Variants in CALR3 observed in about 807,000 individuals in gnomAD.
CALR3 encodes calreticulin-3.
In CALR3, 39 loss-of-function variants were observed where a neutral mutation model predicts 48.7. The ratio of observed to expected loss-of-function variants is 0.80; its 90% confidence interval spans 0.62 to 1.05. CALR3 has a LOEUF of 1.05. CALR3 is among the 50% of genes least tolerant of loss of function. The pLI, the probability that CALR3 is intolerant of heterozygous loss-of-function variation, is 0.00. For missense variants in CALR3, 449 were observed against 474.7 expected (o/e 0.95, Z 0.50); for synonymous variants, 185 against 172.7 (o/e 1.07, Z -0.56).
At chr19:16,490,177 TG>T (rs1230002192) in intron 3 of CALR3, among the ~76,000 whole-genome samples, 189 bp downstream of exon 3, 1 of 152,204 alleles carries the variant, frequency 6.6e-6, no homozygotes, top group Non-Finnish European at 1.5e-5. Flanking sequence ...CTGGTACAGT[TG>T]CCTTTTTATA....
At chr19:16,491,594 T>C (rs561800545) in intron 2 of CALR3, among the ~76,000 whole-genome samples, 1,933 of 150,310 alleles carry the variant, frequency 0.013, 36 homozygotes, top group African/African-American at 0.045. Flanking sequence ...CTGGCCAACA[T>C]GGTGAAACCC....
At chr19:16,489,772 G>A (rs2093394914) in intron 3 of CALR3, among the ~76,000 whole-genome samples, 1 of 152,122 alleles carries the variant, frequency 6.6e-6, no homozygotes. Flanking sequence ...TCAAGCCATT[G>A]CCATTGCACT....
chr19:16,482,639 C>T, intron 6 of CALR3, 39 bp downstream of exon 6: 1 of 1,613,660 alleles, frequency 6.2e-7, no homozygotes, highest in Non-Finnish European at 8.5e-7. Context: ...GAGGGGCAGC[C>T]CTGGGGCATC....
chr19:16,487,481 C>A (rs867329643), intron 3 of CALR3, among the ~76,000 whole-genome samples: 1,885 of 102,004 alleles, frequency 0.018, 1 homozygote, highest in African/African-American at 0.025. Flanking sequence ...TGTGTCTCCA[C>A]AAAAAAAAAA....
At chr19:16,481,826 A>C (rs2093381174) in intron 7 of CALR3, among the ~76,000 whole-genome samples, 1 of 151,512 alleles carries the variant, frequency 6.6e-6, no homozygotes. Flanking sequence ...AAAACAAAAA[A>C]ACAAACAAAA....
intron 2 of CALR3, among the ~76,000 whole-genome samples, chr19:16,491,654 G>A (rs932656765): frequency 4.7e-5 from 7 of 149,686 alleles, no homozygotes; most frequent in African/African-American, 1.5e-4. Flanking sequence ...GCATGTGCCT[G>A]TAGTCCCAGC....
intron 5 of CALR3, among the ~76,000 whole-genome samples, chr19:16,483,033 C>CA (rs2093383556): frequency 6.6e-6 from 1 of 151,980 alleles, no homozygotes; most frequent in Non-Finnish European, 1.5e-5. Flanking sequence ...TTTGTACAGT[C>CA]AGGGTCTCCC....
intron 2 of CALR3, among the ~76,000 whole-genome samples, chr19:16,492,219 G>A (rs866900630): frequency 6.6e-6 from 1 of 152,278 alleles, no homozygotes; most frequent in Non-Finnish European, 1.5e-5. Context: ...CACTTTGGGA[G>A]GCTGAGCCGG....
intron 8 of CALR3, 128 bp from the exon 9 acceptor site, chr19:16,479,402 G>A (rs539452379): frequency 5.8e-5 from 61 of 1,045,624 alleles, no homozygotes; most frequent in African/African-American, 1.1e-4. Flanking sequence ...CGGCTAACAC[G>A]GTGAAACACA....
intron 3 of CALR3, among the ~76,000 whole-genome samples, chr19:16,488,798 A>C (rs2093393162): frequency 6.6e-6 from 1 of 152,144 alleles, no homozygotes; most frequent in African/African-American, 2.4e-5. Flanking sequence ...TTCTAGCACA[A>C]ATTTTAATCA....
chr19:16,494,981 T>TC (rs2093404153), intron 2 of CALR3, among the ~76,000 whole-genome samples: 1 of 152,126 alleles, frequency 6.6e-6, no homozygotes, highest in Non-Finnish European at 1.5e-5. Context: ...ACGCCTATAA[T>TC]CCCAGCACTT....
At chr19:16,495,558 CAAAAAAA>C (rs57877938) in intron 2 of CALR3, among the ~76,000 whole-genome samples, 186 bp downstream of exon 2, 1 of 95,360 alleles carries the variant, frequency 1.0e-5, no homozygotes, top group Non-Finnish European at 2.1e-5. Context: ...GGCTCCGTCT[CAAAAAAA>C]AAAAAAAAAA....
At chr19:16,482,406 C>T (rs1351497491) in intron 7 of CALR3, 44 bp downstream of exon 7, 2 of 1,605,828 alleles carry the variant, frequency 1.2e-6, no homozygotes, top group African/African-American at 1.4e-5. Context: ...CAAAACAAAA[C>T]ACACACACGC....
At chr19:16,479,405 G>A in intron 8 of CALR3, 131 bp from the exon 9 acceptor site, 1 of 957,830 alleles carries the variant, frequency 1.0e-6, no homozygotes, top group East Asian at 2.6e-5. Context: ...CTAACACGGT[G>A]AAACACAGTC....
Position 16,482,598 on chromosome 19 carries a change from A to T in CALR3, c.787-17T>A. ...CAGGCCATCCTGTATCAAAAAAACCATATGGGGTGGTCTCAATGACATGGG... is the reference window on the plus strand; with the variant it reads ...CAGGCCATCCTGTATCAAAAAAACCTTATGGGGTGGTCTCAATGACATGGG... On this transcript the variant is annotated splice_polypyrimidine_tract_variant and intron_variant, in intron 6 of 8. Coordinates refer to ENST00000269881, the MANE Select transcript of CALR3 (RefSeq NM_145046.5). The T allele has an allele frequency of 6.2e-7, 1 of 1,614,188 alleles. No individual in the cohort carries two copies. The highest frequency in any genetic ancestry group is 8.5e-7 in the Non-Finnish European group (1 of 1,180,038).
intron 8 of CALR3, among the ~76,000 whole-genome samples, chr19:16,480,280 A>G (rs901131182): frequency 1.4e-5 from 2 of 146,682 alleles, no homozygotes; most frequent in East Asian, 2.1e-4. Flanking sequence ...GGCCAGGCAC[A>G]GTGGCTCACT....
intron 2 of CALR3, among the ~76,000 whole-genome samples, chr19:16,490,851 G>A (rs951434924): frequency 6.6e-6 from 1 of 151,558 alleles, no homozygotes; most frequent in Middle Eastern, 3.4e-3. Flanking sequence ...TCCACCTCCC[G>A]GGTTCAAGTG....
chr19:16,492,248 G>A (rs1177315913), intron 2 of CALR3, among the ~76,000 whole-genome samples: 1 of 151,934 alleles, frequency 6.6e-6, no homozygotes. Flanking sequence ...CTTGAAGTCA[G>A]AAGTTCGAGA....
intron 5 of CALR3, 61 bp from the exon 6 acceptor site, chr19:16,482,846 G>T: frequency 1.3e-6 from 2 of 1,487,162 alleles, no homozygotes; most frequent in Non-Finnish European, 1.8e-6. Flanking sequence ...TGTTGTTGTT[G>T]CTTCTGTTTT....
Sources: allele counts gnomAD v4.1 joint callset (sites outside exome capture counted in the v4.1 genomes callset), GRCh38; gene constraint gnomAD v4.1.1; transcripts MANE v1.5; gene names NCBI Gene and HGNC (gene_info 2026-07-23, HGNC 2026-07-21).